Variants in SHISA9 observed in about 807,000 individuals in gnomAD.
SHISA9 encodes the protein protein shisa-9.
SHISA9 carries 13 observed loss-of-function variants against 38.0 expected under a neutral mutation model. The ratio of observed to expected loss-of-function variants is 0.34; its 90% confidence interval spans 0.22 to 0.54. The LOEUF (loss-of-function observed/expected upper bound fraction) is 0.54. Among genes scored for constraint, SHISA9 ranks in the 20% least tolerant of loss-of-function variants. SHISA9 has a pLI of 0.91. For missense variants in SHISA9, 538 were observed against 575.8 expected, an observed-to-expected ratio of 0.93 and a Z score of 0.67; for synonymous variants, 275 against 242.0, an observed-to-expected ratio of 1.14 and a Z score of -1.27.
At position 12,992,290 on chromosome 16, in the gene SHISA9, C is replaced by A. The variant is rs1283827273; in HGVS notation, c.691+75475C>A. On this transcript the variant is annotated intron_variant, in intron 2 of 4. Coordinates refer to ENST00000558583, the MANE Select transcript of SHISA9 (RefSeq NM_001145204.3). ...TGTAATCCCCAGCACTTTGGGAGGC[C>A]GAGGCAGGTGGATCACTTGAGTTCA... Among the ~76,000 whole-genome samples the A allele has an allele frequency of 4.0e-5, 6 of 150,222 alleles. No homozygotes were observed. The East Asian group carries it at 7.9e-4, about 20-fold the overall frequency.
intron 2 of SHISA9, among the ~76,000 whole-genome samples, chr16:13,028,460 T>G (rs1042806882): frequency 6.6e-6 from 1 of 151,884 alleles, no homozygotes; most frequent in Admixed American, 6.6e-5. Flanking sequence ...GAAAGACACG[T>G]CTTACATGGT....
At chr16:13,214,356 C>T (rs977085539) in intron 4 of SHISA9, among the ~76,000 whole-genome samples, 6 of 152,110 alleles carry the variant, frequency 3.9e-5, no homozygotes, top group Non-Finnish European at 8.8e-5. Flanking sequence ...CACATGCCAC[C>T]GTGCCCAGCT....
chr16:13,326,551 T>A, the SHISA9 span, among the ~76,000 whole-genome samples: 3 of 152,280 alleles, frequency 2.0e-5, no homozygotes, highest in Admixed American at 6.5e-5. Context: ...TGAAACCTCA[T>A]CTCTACTAAA....
the SHISA9 span, among the ~76,000 whole-genome samples, chr16:13,504,250 A>G: frequency 6.6e-6 from 1 of 152,184 alleles, no homozygotes; most frequent in African/African-American, 2.4e-5. Flanking sequence ...AGTAAGATCA[A>G]CACGTAAGGT....
chr16:13,071,096 T>A (rs1242746756), intron 2 of SHISA9, among the ~76,000 whole-genome samples: 2 of 151,978 alleles, frequency 1.3e-5, no homozygotes, highest in African/African-American at 4.8e-5. Flanking sequence ...ATTCTAGAAA[T>A]GGATGGTGTG....
the SHISA9 span, among the ~76,000 whole-genome samples, chr16:13,394,557 A>G: frequency 6.6e-6 from 1 of 151,554 alleles, no homozygotes; most frequent in African/African-American, 2.4e-5. Context: ...TCCCTGCCCT[A>G]CTCAGGATCC....
the SHISA9 span, among the ~76,000 whole-genome samples, chr16:13,421,360 T>G: frequency 1.3e-5 from 2 of 151,832 alleles, no homozygotes; most frequent in African/African-American, 4.8e-5. Context: ...GGCTGAGGAG[T>G]CCTCAGAATC....
At chr16:13,068,599 A>T (rs2073461955) in intron 2 of SHISA9, among the ~76,000 whole-genome samples, 2 of 152,204 alleles carry the variant, frequency 1.3e-5, no homozygotes, top group South Asian at 4.1e-4. Context: ...AGCTCCGTAA[A>T]CAAACGTGAT....
the SHISA9 span, among the ~76,000 whole-genome samples, chr16:13,271,715 C>A: frequency 6.6e-6 from 1 of 152,002 alleles, no homozygotes; most frequent in African/African-American, 2.4e-5. Flanking sequence ...TTAGTGGTTG[C>A]CTGGAGCTGG....
At chr16:13,208,155 A>G (rs1415192865) in intron 3 of SHISA9, among the ~76,000 whole-genome samples, 1 of 152,174 alleles carries the variant, frequency 6.6e-6, no homozygotes, top group Non-Finnish European at 1.5e-5. Flanking sequence ...AAAATGAGAA[A>G]ACTGAACTAT....
At chr16:13,328,894 C>T in the SHISA9 span, among the ~76,000 whole-genome samples, 1 of 151,958 alleles carries the variant, frequency 6.6e-6, no homozygotes, top group African/African-American at 2.4e-5. Flanking sequence ...CAATGAAAAG[C>T]AGCCCCCAAA....
At chr16:13,016,603 C>A (rs965842557) in intron 2 of SHISA9, among the ~76,000 whole-genome samples, 15 of 152,000 alleles carry the variant, frequency 9.9e-5, no homozygotes, top group African/African-American at 3.4e-4. Flanking sequence ...CTGTTTTTTG[C>A]CGTTTTTGTT....
At chr16:13,303,595 A>G in the SHISA9 span, among the ~76,000 whole-genome samples, 3 of 152,152 alleles carry the variant, frequency 2.0e-5, no homozygotes, top group African/African-American at 4.8e-5. Flanking sequence ...TGGAGGGGAG[A>G]GAAGAATGGA....
intron 2 of SHISA9, among the ~76,000 whole-genome samples, chr16:13,022,963 T>G (rs2072875701): frequency 1.3e-5 from 2 of 152,322 alleles, no homozygotes; most frequent in South Asian, 4.1e-4. Flanking sequence ...GATGTCATCT[T>G]GAGATTAACT....
At chr16:12,968,026 C>T (rs1398731876) in intron 2 of SHISA9, among the ~76,000 whole-genome samples, 1 of 151,728 alleles carries the variant, frequency 6.6e-6, no homozygotes, top group Non-Finnish European at 1.5e-5. Flanking sequence ...CTCATCTCTA[C>T]TAAAAATACA....
the SHISA9 span, among the ~76,000 whole-genome samples, chr16:13,300,241 C>G: frequency 1.3e-5 from 2 of 152,170 alleles, no homozygotes; most frequent in Non-Finnish European, 2.9e-5. Flanking sequence ...TTCCCAGACC[C>G]AATCCGCCCC....
At chr16:13,539,318 AAAGACAGGATCTT>A in the SHISA9 span, among the ~76,000 whole-genome samples, 21,103 of 67,924 alleles carry the variant, frequency 0.31, 4,051 homozygotes, top group East Asian at 0.63. Flanking sequence ...ATATATATAT[AAAGACAGGATCTT>A]TATATATATA....
the SHISA9 span, among the ~76,000 whole-genome samples, chr16:13,397,265 G>A: frequency 2.0e-5 from 3 of 152,194 alleles, no homozygotes; most frequent in African/African-American, 7.2e-5. Context: ...GGCTTGTAAT[G>A]GGGGTGTGGC....
chr16:13,165,180 T>A (rs2050625411), intron 2 of SHISA9, among the ~76,000 whole-genome samples: 1 of 152,162 alleles, frequency 6.6e-6, no homozygotes, highest in Admixed American at 6.5e-5. Context: ...TTTTTATGCC[T>A]CCTCCTTTCT....
Sources: allele counts gnomAD v4.1 joint callset (sites outside exome capture counted in the v4.1 genomes callset), GRCh38; gene constraint gnomAD v4.1.1; transcripts MANE v1.5; gene names NCBI Gene and HGNC (gene_info 2026-07-23, HGNC 2026-07-21).